Variants in HTRA1 observed in about 807,000 individuals in gnomAD.
HTRA1 encodes serine protease HTRA1.
A neutral mutation model predicts 49.7 loss-of-function variants in HTRA1; 26 were observed. The observed-to-expected ratio is 0.52, with a 90% CI of 0.38 to 0.73. The LOEUF is 0.73. Ranked by LOEUF, HTRA1 falls within the 30% of genes least tolerant of loss-of-function variation. The pLI is 0.00. For missense variants in HTRA1, 561 were observed against 667.2 expected (o/e 0.84, Z 1.75); for synonymous variants, 291 against 286.9 (o/e 1.01, Z -0.14).
intron 1 of HTRA1, among the ~76,000 whole-genome samples, chr10:122,476,964 C>CT (rs36120668): frequency 2.6e-3 from 266 of 104,016 alleles, no homozygotes; most frequent in East Asian, 3.1e-3. Flanking sequence ...TTTATAGTTA[C>CT]TTTTTTTTTT....
chr10:122,484,470 G>A (rs779516145), intron 1 of HTRA1, among the ~76,000 whole-genome samples: 4 of 152,142 alleles, frequency 2.6e-5, no homozygotes, highest in Non-Finnish European at 5.9e-5. Context: ...AGGAGGCGCC[G>A]AGGTGGCTGA....
chr10:122,506,061 C>T lies in HTRA1; in HGVS notation c.778-630C>T, dbSNP rs906912253. Among the ~76,000 whole-genome samples, 2 of 68,852 alleles carry T rather than the reference C, an allele frequency of 2.9e-5. No homozygotes were observed. The highest frequency in any genetic ancestry group is 6.5e-5 in the Non-Finnish European group (2 of 30,830). The allele number at this position is 68,852 out of a possible 152,430, so 45.2% of individuals were successfully genotyped here. On this transcript the variant is annotated intron_variant, in intron 3 of 8. Coordinates refer to ENST00000368984, the MANE Select transcript of HTRA1 (RefSeq NM_002775.5). This position sits in a 1 kb window ranked among gnomAD's most constrained non-coding sequence, Gnocchi z 5.2. ...GAAGCACAGGTGGCTGACAGAGGGC[C>T]GTTTCAGGAGAGGAGAGACAGCCTA...
At chr10:122,488,486 G>A (rs952135353) in intron 1 of HTRA1, among the ~76,000 whole-genome samples, 5 of 152,230 alleles carry the variant, frequency 3.3e-5, no homozygotes, top group African/African-American at 7.2e-5. Flanking sequence ...CGCTTGAACC[G>A]GAGAGGTGGA....
chr10:122,466,371 G>A (rs779265417), intron 1 of HTRA1, among the ~76,000 whole-genome samples: 1 of 152,108 alleles, frequency 6.6e-6, no homozygotes, highest in Non-Finnish European at 1.5e-5. Flanking sequence ...GTTTCACCGT[G>A]TTAGCCAGGA....
At chr10:122,501,485 C>A (rs1039620789) in intron 3 of HTRA1, among the ~76,000 whole-genome samples, 3 of 152,126 alleles carry the variant, frequency 2.0e-5, no homozygotes, top group Non-Finnish European at 4.4e-5. Flanking sequence ...TTAAAATGAA[C>A]CATATTCCCC....
In HTRA1 at chr10:122,514,349, T is replaced by C; in HGVS notation, c.1433T>C (p.Ile478Thr). ...ATGATCACAGTGATTCCCGAAGAAA[T>C]TGACCCATAGGCAGAGGCATGAGCT... ...DIMITVIPEE[I>T]DP Residue 478 changes from isoleucine (I) to threonine (T), a missense_variant, in exon 9 of 9, where the codon ATT becomes ACT. Physicochemically the swap from Ile to Thr is moderately conservative, Grantham distance 89 (BLOSUM62 -1). This residue lies in a region of HTRA1 where 179 missense variants were observed against 173.4 expected (regional missense o/e 1.03). Transcript: ENST00000368984. 3 of 1,614,010 alleles carry C rather than the reference T, an allele frequency of 1.9e-6. No individual in the cohort carries two copies. Among genetic ancestry groups the C allele is most frequent in the African/African-American group, 2.7e-5 (2 of 74,996 alleles).
rs532894586 is a variant in HTRA1 at position 122,490,867 on chromosome 10, G to A, written c.777+1241G>A. ...TGCTGCCCAGCTCAGGCTCCTTTAC[G>A]GCCAGTCTTCAGAAAACCACCAGCT... On this transcript the variant is annotated intron_variant, in intron 3 of 8. Coordinates refer to ENST00000368984, the MANE Select transcript of HTRA1 (RefSeq NM_002775.5). The surrounding 1 kb of genome is among the most constrained non-coding windows in gnomAD (Gnocchi z 4.2). 3.3e-5 allele frequency among the ~76,000 whole-genome samples: 5 copies of A among 152,126 alleles called. No homozygotes were observed. The highest frequency in any genetic ancestry group is 9.6e-5 in the African/African-American group (4 of 41,464).
At chr10:122,495,192 C>T (rs981623690) in intron 3 of HTRA1, among the ~76,000 whole-genome samples, 3 of 152,216 alleles carry the variant, frequency 2.0e-5, no homozygotes, top group African/African-American at 7.2e-5. Context: ...GCCTGGAATG[C>T]ACATCGCACT....
At chr10:122,510,817 T>C (rs138216898) in intron 7 of HTRA1, among the ~76,000 whole-genome samples, 1 of 152,232 alleles carries the variant, frequency 6.6e-6, no homozygotes, top group Non-Finnish European at 1.5e-5. Context: ...GATAGATTAA[T>C]GTGTTCATTA....
chr10:122,489,577 A>G lies in HTRA1; in HGVS notation c.728A>G (p.Lys243Arg), dbSNP rs747031076. The G allele has an allele frequency of 5.0e-5, 81 of 1,614,050 alleles. No individual in the cohort carries two copies. The highest frequency in any genetic ancestry group is 3.3e-4 in the Middle Eastern group (2 of 6,074). Residue 243 changes from lysine to arginine, a missense_variant, in exon 3 of 9, where the codon AAG becomes AGG. Lys to Arg is a conservative substitution (Grantham distance 26). This residue lies in a region of HTRA1 where 271 missense variants were observed against 410.0 expected (regional missense o/e 0.66). Coordinates refer to ENST00000368984, the MANE Select transcript of HTRA1 (RefSeq NM_002775.5). Reference protein sequence around the residue: ...KNGATYEAKIKDVDEKADIAL... With the variant: ...KNGATYEAKIRDVDEKADIAL... ...GGTGCCACTTACGAAGCCAAAATCAAGGATGTGGATGAGAAAGCAGACATC... is the reference window on the plus strand; with the variant it reads ...GGTGCCACTTACGAAGCCAAAATCAGGGATGTGGATGAGAAAGCAGACATC...
rs1006422746 is a variant in HTRA1, at chr10:122,496,543, A to G, written c.777+6917A>G. On this transcript the variant is annotated intron_variant, in intron 3 of 8. Transcript: ENST00000368984. ...AGTGGGCAAAGCCATGGGGCTTAAG[A>G]TCTAGTGTGGGAAATGGGTGATGTA... is the stretch of plus-strand genomic sequence containing the variant. Among the ~76,000 whole-genome samples the G allele has an allele frequency of 3.3e-5, 5 of 152,184 alleles. No individual in the cohort carries two copies. The East Asian group carries it at 5.8e-4, about 18-fold the overall frequency.
intron 3 of HTRA1, among the ~76,000 whole-genome samples, chr10:122,501,868 C>G (rs560274815): frequency 2.8e-4 from 43 of 151,196 alleles, no homozygotes; most frequent in Admixed American, 4.6e-4. Context: ...AAGGAAGGAG[C>G]CTTGTTCTTG....
chr10:122,467,309 C>T (rs928377830), intron 1 of HTRA1, among the ~76,000 whole-genome samples: 3 of 152,178 alleles, frequency 2.0e-5, no homozygotes, highest in East Asian at 1.9e-4. Context: ...TCTGGCCCTT[C>T]CTGGGGTGTT....
At chr10:122,462,258 G>A in intron 1 of HTRA1, 134 bp downstream of exon 1, 1 of 789,654 alleles carries the variant, frequency 1.3e-6, no homozygotes, top group South Asian at 1.7e-5. Flanking sequence ...GGGACAGGCA[G>A]GTGGGCCCCG....
At chr10:122,510,541 G>C (rs2097505123) in intron 7 of HTRA1, among the ~76,000 whole-genome samples, 1 of 152,168 alleles carries the variant, frequency 6.6e-6, no homozygotes, top group Non-Finnish European at 1.5e-5. Flanking sequence ...CGCAGCTCTA[G>C]GCACTCTGCT....
chr10:122,468,079 T>C (rs1308583271), intron 1 of HTRA1, among the ~76,000 whole-genome samples: 2 of 152,212 alleles, frequency 1.3e-5, no homozygotes, highest in African/African-American at 4.8e-5. Flanking sequence ...ACACCTACTG[T>C]GTGCTCAGAA....
In HTRA1 at chr10:122,514,778, A is replaced by G. The variant is rs1388791389; in HGVS notation, c.*419A>G. 3.9e-6 allele frequency: 1 copy of G among 256,640 alleles called. No homozygotes were observed. Among genetic ancestry groups the G allele is most frequent in the African/African-American group, 2.2e-5 (1 of 44,904 alleles). The allele number at this position is 256,640 out of a possible 1,614,324, so 15.9% of individuals were successfully genotyped here. A position where few individuals can be genotyped will look rare whatever the true frequency, so the allele number is the denominator to read the frequency against. On this transcript the variant is annotated 3_prime_UTR_variant, in exon 9 of 9. Transcript: ENST00000368984. ...TCTCCAAGTCAGCACCCAAAGGTCA[A>G]TGCACAGAGACCCCGGGTGGGTGAG...
At chr10:122,480,539 C>G (rs1200387942) in intron 1 of HTRA1, among the ~76,000 whole-genome samples, 1 of 152,158 alleles carries the variant, frequency 6.6e-6, no homozygotes, top group Non-Finnish European at 1.5e-5. Flanking sequence ...AAGTGAAGCC[C>G]CCATGCTGGC....
intron 1 of HTRA1, among the ~76,000 whole-genome samples, chr10:122,476,964 CTTTTTTTT>C (rs36120668): frequency 8.7e-5 from 9 of 104,000 alleles, no homozygotes; most frequent in African/African-American, 3.6e-4. Context: ...TTTATAGTTA[CTTTTTTTT>C]TTTTTTTTTT....
Sources: allele counts gnomAD v4.1 joint callset (sites outside exome capture counted in the v4.1 genomes callset), GRCh38; gene constraint gnomAD v4.1.1; regional missense constraint gnomAD v4.1.1; non-coding constraint Gnocchi (gnomAD v3.1); transcripts MANE v1.5; gene names NCBI Gene and HGNC (gene_info 2026-07-23, HGNC 2026-07-21).